Variants in RGS7 observed in about 807,000 individuals in gnomAD.
RGS7 encodes regulator of G-protein signaling 7.
Under a neutral mutation model 81.1 loss-of-function variants are expected in RGS7, and 27 were observed. That is an observed-to-expected ratio of 0.33 (90% CI 0.25 to 0.46). The LOEUF is 0.46. RGS7 is among the 20% of genes least tolerant of loss of function. The pLI, the probability that RGS7 is intolerant of heterozygous loss-of-function variation, is 1.00. For missense variants in RGS7, 396 were observed against 607.4 expected (o/e 0.65, Z 3.66); for synonymous variants, 208 against 207.7 (o/e 1.00, Z -0.01).
rs1682867355 is a variant in RGS7 at position 240,775,953 on chromosome 1, TAGA to T, written c.*264_*266del. 1.5e-5 allele frequency: 9 copies of T among 586,282 alleles called. No homozygotes were observed. Among genetic ancestry groups the T allele is most frequent in the Admixed American group, 1.4e-4 (5 of 35,820 alleles). 36.3% of individuals were successfully genotyped at this position (586,282 alleles called of 1,614,324 possible). A position where few individuals can be genotyped will look rare whatever the true frequency, so the allele number is the denominator to read the frequency against. On this transcript the variant is annotated 3_prime_UTR_variant, in exon 19 of 19. Transcript: ENST00000440928. ...AGGAAGAGACACAGATCCAGCATAG[TAGA>T]AGGAGAAAGAAAGCAGACAACAGTT...
At position 240,836,197 on chromosome 1, in the gene RGS7, G is replaced by C. The variant is rs925007451; in HGVS notation, c.610-9025C>G. Among the ~76,000 whole-genome samples, 7 of 152,068 alleles carry C rather than the reference G, an allele frequency of 4.6e-5. 1 individual carries two copies. The highest frequency in any genetic ancestry group is 1.7e-4 in the African/African-American group (7 of 41,400). ...GGCTGTGGGCCGGGGAGAGGTTGCT[G>C]GGGAATTCAGTACTTTCCACTTAAT... is the stretch of plus-strand genomic sequence containing the variant. On this transcript the variant is annotated intron_variant, in intron 9 of 18. Coordinates refer to ENST00000440928, the MANE Select transcript of RGS7 (RefSeq NM_001364886.1).
rs768758994 is a variant in RGS7, at chr1:241,293,714, A to G, written c.78+61985T>C. 7.2e-5 allele frequency among the ~76,000 whole-genome samples: 11 copies of G among 152,390 alleles called. 1 individual carries two copies. Among genetic ancestry groups the G allele is most frequent in the Admixed American group, 1.3e-4 (2 of 15,304 alleles). ...AATGCTCATCATCACTGGTCATTAG[A>G]GAAATGCACATCAAAACCACAATGA... On this transcript the variant is annotated intron_variant, in intron 2 of 18. Transcript: ENST00000440928.
intron 3 of RGS7, among the ~76,000 whole-genome samples, chr1:241,044,814 A>G (rs2060829183): frequency 6.6e-6 from 1 of 152,230 alleles, no homozygotes; most frequent in Admixed American, 6.5e-5. Context: ...CTCCATATCT[A>G]TAATCTTCTC....
chr1:241,307,084 C>A (rs556958279), intron 2 of RGS7, among the ~76,000 whole-genome samples: 1 of 152,254 alleles, frequency 6.6e-6, no homozygotes, highest in South Asian at 2.1e-4. Flanking sequence ...TTGTATTTCC[C>A]ATGGTTTAGA....
At chr1:241,345,824 T>C (rs916177920) in intron 2 of RGS7, among the ~76,000 whole-genome samples, 2 of 152,108 alleles carry the variant, frequency 1.3e-5, no homozygotes, top group Admixed American at 1.3e-4. Flanking sequence ...GAGACCATCC[T>C]GGCCAACACG....
At chr1:241,253,258 G>A (rs2148227119) in intron 2 of RGS7, among the ~76,000 whole-genome samples, 1 of 152,304 alleles carries the variant, frequency 6.6e-6, no homozygotes, top group South Asian at 2.1e-4. Context: ...TATGATGTCA[G>A]TCTGTTTATG....
intron 3 of RGS7, among the ~76,000 whole-genome samples, chr1:241,020,052 C>T (rs868020849): frequency 2.0e-5 from 3 of 152,198 alleles, no homozygotes; most frequent in Non-Finnish European, 2.9e-5. Context: ...CTCTTCTAAT[C>T]TGTGAGAATG....
chr1:240,808,035 CAAAAAAAAA>C (rs34236519), intron 14 of RGS7, among the ~76,000 whole-genome samples: 1 of 66,612 alleles, frequency 1.5e-5, no homozygotes, highest in Non-Finnish European at 3.1e-5. Context: ...AACTTCATCT[CAAAAAAAAA>C]AAAAAAAAAA....
At chr1:241,342,990 C>T (rs779339050) in intron 2 of RGS7, among the ~76,000 whole-genome samples, 48 of 151,916 alleles carry the variant, frequency 3.2e-4, no homozygotes, top group Non-Finnish European at 6.6e-4. Context: ...AGGCCAGGTG[C>T]GGTGGCTCAC....
At chr1:241,092,003 A>T (rs2063918272) in intron 3 of RGS7, among the ~76,000 whole-genome samples, 2 of 152,244 alleles carry the variant, frequency 1.3e-5, no homozygotes, top group Admixed American at 1.3e-4. Flanking sequence ...TATTCCGGTC[A>T]TCAGGGTTTA....
chr1:240,853,569 G>A (rs1167641714), intron 9 of RGS7, among the ~76,000 whole-genome samples: 1 of 152,084 alleles, frequency 6.6e-6, no homozygotes, highest in East Asian at 1.9e-4. Context: ...TCTGTGAACT[G>A]ATAAAAGGCA....
chr1:241,292,569 T>C (rs1317811249), intron 2 of RGS7, among the ~76,000 whole-genome samples: 2 of 152,104 alleles, frequency 1.3e-5, no homozygotes, highest in Non-Finnish European at 2.9e-5. Context: ...ATAGTTGGGA[T>C]AAAAGAGGAT....
At chr1:240,928,770 C>G (rs984814821) in intron 6 of RGS7, among the ~76,000 whole-genome samples, 2 of 151,982 alleles carry the variant, frequency 1.3e-5, no homozygotes, top group African/African-American at 4.8e-5. Flanking sequence ...CTACCACACC[C>G]TGGCTAATTT....
chr1:240,820,301 A>G (rs1691538197), intron 10 of RGS7, among the ~76,000 whole-genome samples: 1 of 152,188 alleles, frequency 6.6e-6, no homozygotes. Flanking sequence ...GGCTTGATTA[A>G]CACGTTCCTT....
At chr1:240,983,182 A>G (rs1685182662) in intron 3 of RGS7, 53 bp from the exon 4 acceptor site, 2 of 993,180 alleles carry the variant, frequency 2.0e-6, no homozygotes, top group Non-Finnish European at 3.0e-6. Flanking sequence ...TTGTTTATAC[A>G]TATTAACTTT....
intron 2 of RGS7, among the ~76,000 whole-genome samples, chr1:241,186,886 A>G (rs1266902491): frequency 6.6e-6 from 1 of 152,176 alleles, no homozygotes; most frequent in Non-Finnish European, 1.5e-5. Flanking sequence ...TCAATGTTGG[A>G]TAAGACAGAA....
intron 3 of RGS7, among the ~76,000 whole-genome samples, chr1:241,036,920 G>A (rs781690044): frequency 6.6e-6 from 1 of 152,156 alleles, no homozygotes; most frequent in South Asian, 2.1e-4. Context: ...TGGTGATTGT[G>A]GGAGCTACAT....
chr1:241,176,663 C>T (rs559770469), intron 2 of RGS7, among the ~76,000 whole-genome samples: 1 of 152,100 alleles, frequency 6.6e-6, no homozygotes, highest in Non-Finnish European at 1.5e-5. Flanking sequence ...TCAAAGCTCA[C>T]ACATTCTGCA....
chr1:241,214,298 C>G (rs1274169365), intron 2 of RGS7, among the ~76,000 whole-genome samples: 1 of 152,036 alleles, frequency 6.6e-6, no homozygotes, highest in Non-Finnish European at 1.5e-5. Flanking sequence ...GAATTCTAGA[C>G]TGACAAGGTA....
Sources: allele counts gnomAD v4.1 joint callset (sites outside exome capture counted in the v4.1 genomes callset), GRCh38; gene constraint gnomAD v4.1.1; transcripts MANE v1.5; gene names NCBI Gene and HGNC (gene_info 2026-07-23, HGNC 2026-07-21).